Variants in MIPEP observed in about 807,000 individuals in gnomAD.
MIPEP encodes mitochondrial intermediate peptidase.
Under a neutral mutation model 90.3 loss-of-function variants are expected in MIPEP, and 79 were observed. The ratio of observed to expected loss-of-function variants is 0.87; its 90% CI spans 0.73 to 1.05. The LOEUF is 1.05. Among genes scored for constraint, MIPEP ranks in the 50% least tolerant of loss-of-function variants. The pLI is 0.00. For synonymous variants in MIPEP, 334 were observed against 315.8 expected (o/e 1.06, Z -0.61); for missense variants, 940 against 905.6 (o/e 1.04, Z -0.49).
At chr13:23,851,128 G>A (rs907542873) in intron 10 of MIPEP, among the ~76,000 whole-genome samples, 4 of 152,208 alleles carry the variant, frequency 2.6e-5, no homozygotes, top group Admixed American at 2.6e-4. Flanking sequence ...TCCCCAGGTT[G>A]CAGACACGAC....
intron 16 of MIPEP, among the ~76,000 whole-genome samples, chr13:23,781,138 A>C (rs1156762259): frequency 2.0e-5 from 3 of 152,200 alleles, no homozygotes; most frequent in Admixed American, 6.5e-5. Context: ...GAGCAACTCC[A>C]AGACACATAA....
chr13:23,826,177 T>G (rs188117163), intron 14 of MIPEP, among the ~76,000 whole-genome samples: 2 of 152,142 alleles, frequency 1.3e-5, no homozygotes, highest in Non-Finnish European at 2.9e-5. Flanking sequence ...TAATAAAATA[T>G]TCTCAAAATA....
At chr13:23,760,243 C>T (rs754920730) in intron 16 of MIPEP, 26 bp from the exon 17 acceptor site, 40 of 1,613,690 alleles carry the variant, frequency 2.5e-5, no homozygotes, top group Admixed American at 8.3e-5. Context: ...AGACACAGCA[C>T]GGGACACAAG....
intron 16 of MIPEP, among the ~76,000 whole-genome samples, chr13:23,784,873 C>A (rs879847857): frequency 5.3e-5 from 8 of 152,116 alleles, no homozygotes; most frequent in Admixed American, 1.3e-4. Context: ...ATGCAGCCAA[C>A]AGACACATGA....
chr13:23,826,032 T>A (rs1325589047), intron 14 of MIPEP, among the ~76,000 whole-genome samples: 1 of 152,048 alleles, frequency 6.6e-6, no homozygotes, highest in Admixed American at 6.5e-5. Flanking sequence ...TATTTGGTGA[T>A]TAGTAATGTA....
chr13:23,888,797 G>C, intron 1 of MIPEP: 1 of 1,047,090 alleles, frequency 9.6e-7, no homozygotes, highest in Non-Finnish European at 1.2e-6. Context: ...GGCTTTAGCA[G>C]GGGTGCGCCT....
At chr13:23,846,979 T>G (rs770256632) in intron 10 of MIPEP, among the ~76,000 whole-genome samples, 1 of 151,974 alleles carries the variant, frequency 6.6e-6, no homozygotes, top group Non-Finnish European at 1.5e-5. Flanking sequence ...AGAAAACAGG[T>G]TTACAAGACA....
intron 4 of MIPEP, among the ~76,000 whole-genome samples, chr13:23,875,504 C>T (rs1871032552): frequency 6.7e-6 from 1 of 149,316 alleles, no homozygotes; most frequent in African/African-American, 2.5e-5. Flanking sequence ...CTGCTTCATG[C>T]TTGGAACCAA....
Position 23,805,969 on chromosome 13 carries a change from AG to A in MIPEP, c.1828del (p.Leu610TyrfsTer85). Reference protein sequence around the residue: ...LKETQEKFYGLPYVPNTAWQL... With the variant: ...LKETQEKFYGXPYVPNTAWQL... ...ACTCACAGTATTTGGAACATATGGT[AG>A]GCCATAGAATTTCTCTTGTGTTTCC... On this transcript the variant is annotated frameshift_variant, in exon 16 of 19. Coordinates refer to ENST00000382172, the MANE Select transcript of MIPEP (RefSeq NM_005932.4). LOFTEE classifies it high-confidence loss of function. The A allele has an allele frequency of 6.2e-7, 1 of 1,614,014 alleles. No individual in the cohort carries two copies. The highest frequency in any genetic ancestry group is 8.5e-7 in the Non-Finnish European group (1 of 1,179,902).
At chr13:23,849,464 C>G (rs1239762164) in intron 10 of MIPEP, among the ~76,000 whole-genome samples, 2 of 152,166 alleles carry the variant, frequency 1.3e-5, no homozygotes, top group African/African-American at 4.8e-5. Context: ...TCTCTAGAAC[C>G]CTTTGATTCC....
intron 11 of MIPEP, among the ~76,000 whole-genome samples, chr13:23,840,024 G>C (rs891468309): frequency 1.3e-5 from 2 of 152,150 alleles, no homozygotes; most frequent in African/African-American, 4.8e-5. Flanking sequence ...ACAAGAGCTG[G>C]GAAGAAGTGC....
chr13:23,769,198 CA>C (rs1217957190), intron 16 of MIPEP, among the ~76,000 whole-genome samples: 10 of 152,178 alleles, frequency 6.6e-5, no homozygotes, highest in African/African-American at 2.4e-4. Context: ...TAAGGACGTC[CA>C]TGGTCAGGAG....
At chr13:23,848,487 A>G (rs909704039) in intron 10 of MIPEP, among the ~76,000 whole-genome samples, 1 of 152,194 alleles carries the variant, frequency 6.6e-6, no homozygotes, top group African/African-American at 2.4e-5. Flanking sequence ...ACATTGTAAC[A>G]ATAATGACGA....
At position 23,855,991 on chromosome 13, in the gene MIPEP, T is replaced by A. The variant is rs1328954726; in HGVS notation, c.1106+2869A>T. ...TTTCTAAAAAAACCTCATCACTGGA[T>A]TGCTTTTCATGGTTACTGGTCTAGA... On this transcript the variant is annotated intron_variant, in intron 10 of 18. Coordinates refer to ENST00000382172, the MANE Select transcript of MIPEP (RefSeq NM_005932.4). 2.0e-5 allele frequency among the ~76,000 whole-genome samples: 3 copies of A among 152,206 alleles called. No homozygotes were observed. In the East Asian group the frequency reaches 5.8e-4, roughly 29 times the overall value.
At chr13:23,793,316 C>T (rs544910112) in intron 16 of MIPEP, among the ~76,000 whole-genome samples, 66 of 152,294 alleles carry the variant, frequency 4.3e-4, no homozygotes, top group African/African-American at 1.5e-3. Context: ...GTATAAAAGT[C>T]ATTAGACACA....
chr13:23,887,649 G>A (rs1301687145), intron 1 of MIPEP, among the ~76,000 whole-genome samples: 5 of 152,052 alleles, frequency 3.3e-5, no homozygotes, highest in African/African-American at 1.2e-4. Flanking sequence ...TAACACATGG[G>A]GGAACTCAAT....
At chr13:23,759,348 C>T (rs905648904) in intron 17 of MIPEP, among the ~76,000 whole-genome samples, 2 of 151,490 alleles carry the variant, frequency 1.3e-5, no homozygotes, top group African/African-American at 4.9e-5. Context: ...AGGACCCCCA[C>T]GCACCTCTCC....
intron 14 of MIPEP, among the ~76,000 whole-genome samples, chr13:23,826,233 C>T: frequency 6.6e-6 from 1 of 152,048 alleles, no homozygotes; most frequent in East Asian, 1.9e-4. Context: ...ATATATCTAT[C>T]ATTCTCATGG....
chr13:23,833,065 T>G (rs1868849100), intron 14 of MIPEP, among the ~76,000 whole-genome samples: 1 of 152,196 alleles, frequency 6.6e-6, no homozygotes, highest in Non-Finnish European at 1.5e-5. Flanking sequence ...CTCTGGAATA[T>G]ATTTCATAAT....
Sources: allele counts gnomAD v4.1 joint callset (sites outside exome capture counted in the v4.1 genomes callset), GRCh38; gene constraint gnomAD v4.1.1; transcripts MANE v1.5; gene names NCBI Gene and HGNC (gene_info 2026-07-23, HGNC 2026-07-21).